FNBP1: variants seen among roughly 807,000 people sequenced by gnomAD.
FNBP1 encodes formin binding protein 1.
In FNBP1, 26 loss-of-function variants were observed where a neutral mutation model predicts 90.6. That is an observed-to-expected ratio of 0.29 (90% confidence interval 0.21 to 0.40). FNBP1 has a LOEUF of 0.40. FNBP1 is among the 10% of genes least tolerant of loss of function. The pLI, the probability that FNBP1 is intolerant of heterozygous loss-of-function variation, is 1.00. For missense variants in FNBP1, 635 were observed against 768.0 expected, an observed-to-expected ratio of 0.83 and a Z score of 2.05; for synonymous variants, 260 against 265.2, an observed-to-expected ratio of 0.98 and a Z score of 0.19.
At chr9:129,949,257 T>C (rs1330728059) in intron 6 of FNBP1, among the ~76,000 whole-genome samples, 3 of 152,196 alleles carry the variant, frequency 2.0e-5, no homozygotes, top group Non-Finnish European at 4.4e-5. Flanking sequence ...AGAGACTGCA[T>C]GGTTCCTTGA....
intron 6 of FNBP1, among the ~76,000 whole-genome samples, chr9:129,932,885 G>C (rs2042965883): frequency 1.3e-5 from 2 of 151,896 alleles, no homozygotes; most frequent in Admixed American, 6.6e-5. Flanking sequence ...CATTCCATCT[G>C]TTCCCCGAGC....
In FNBP1 at chr9:129,925,158, C is replaced by T; in HGVS notation, c.790-1G>A. 6.2e-7 allele frequency: 1 copy of T among 1,607,976 alleles called. No homozygotes were observed. The highest frequency in any genetic ancestry group is 8.5e-7 in the Non-Finnish European group (1 of 1,175,716). ...AAGCTTCTATTACCAGCTGTGAATC[C>T]TGAAATTATACCCACAAGCATATAA... On this transcript the variant is annotated splice_acceptor_variant, in intron 8 of 16. Coordinates refer to ENST00000446176, the MANE Select transcript of FNBP1 (RefSeq NM_015033.3). LOFTEE classifies it high-confidence loss of function.
Position 129,923,870 on chromosome 9 carries a change from G to A in FNBP1, c.1144C>T (p.His382Tyr). Residue 382 changes from histidine (H) to tyrosine (Y), a missense_variant, in exon 10 of 17, where the codon CAC becomes TAC. Transcript: ENST00000446176. ...CCACGCTTTAGGCTCCTGAAGCAGT[G>A]GATTTTGGGTTTGGAGGTCATGAAC... ...NEFMTSKPKI[H>Y]CFRSLKRGLS... 1.9e-6 allele frequency: 3 copies of A among 1,602,128 alleles called. No individual in the cohort carries two copies. Among genetic ancestry groups the A allele is most frequent in the African/African-American group, 1.3e-5 (1 of 74,570 alleles).
intron 6 of FNBP1, among the ~76,000 whole-genome samples, chr9:129,949,943 C>G (rs117222590): frequency 1.3e-5 from 2 of 152,120 alleles, no homozygotes; most frequent in African/African-American, 4.8e-5. Flanking sequence ...TTTGTAAGCA[C>G]AGGCTTACCG....
chr9:129,904,401 G>T (rs891077754), intron 12 of FNBP1, among the ~76,000 whole-genome samples: 4 of 152,108 alleles, frequency 2.6e-5, no homozygotes, highest in African/African-American at 9.7e-5. Flanking sequence ...TACCCTTGTT[G>T]CAGGGCACTT....
chr9:129,925,201 C>T (rs2041687807), intron 8 of FNBP1, 44 bp from the exon 9 acceptor site: 1 of 1,506,540 alleles, frequency 6.6e-7, no homozygotes. Context: ...CAGAAGCATG[C>T]AAACACTTTT....
chr9:129,944,079 C>G (rs2044796728), intron 6 of FNBP1, among the ~76,000 whole-genome samples: 1 of 150,554 alleles, frequency 6.6e-6, no homozygotes, highest in African/African-American at 2.4e-5. Context: ...TATTCCCCAA[C>G]TGACTCAAGT....
At position 129,957,961 on chromosome 9, in the gene FNBP1, G is replaced by A. The variant is rs1269520528; in HGVS notation, c.409-497C>T. ...ACTGTCTAATCTTTATTATTTCCACGTGACTTTTAGAAAAATACTCAACTT... is the reference window on the plus strand; with the variant it reads ...ACTGTCTAATCTTTATTATTTCCACATGACTTTTAGAAAAATACTCAACTT... On this transcript the variant is annotated intron_variant, in intron 5 of 16. Transcript: ENST00000446176. The surrounding 1 kb of genome is among the most constrained non-coding windows in gnomAD (Gnocchi z 4.3). 6.6e-6 allele frequency among the ~76,000 whole-genome samples: 1 copy of A among 151,962 alleles called. No individual in the cohort carries two copies. The highest frequency in any genetic ancestry group is 1.5e-5 in the Non-Finnish European group (1 of 67,990).
intron 16 of FNBP1, among the ~76,000 whole-genome samples, chr9:129,894,637 A>G (rs2035454370): frequency 6.6e-6 from 1 of 152,226 alleles, no homozygotes; most frequent in Non-Finnish European, 1.5e-5. Flanking sequence ...GCGTGAGTGC[A>G]GCTCTACTTG....
chr9:129,945,476 T>C (rs1173375047), intron 6 of FNBP1, among the ~76,000 whole-genome samples: 2 of 152,218 alleles, frequency 1.3e-5, no homozygotes, highest in Non-Finnish European at 2.9e-5. Context: ...GGGAAGGCAC[T>C]GAAGATATTA....
At chr9:129,898,957 G>A (rs778811312) in intron 15 of FNBP1, among the ~76,000 whole-genome samples, 6 of 151,886 alleles carry the variant, frequency 4.0e-5, no homozygotes, top group Non-Finnish European at 8.8e-5. Flanking sequence ...CTGCAGTGAA[G>A]CAAGCTCTCT....
chr9:129,964,717 C>G (rs2048315921), intron 4 of FNBP1, among the ~76,000 whole-genome samples: 1 of 151,796 alleles, frequency 6.6e-6, no homozygotes, highest in Non-Finnish European at 1.5e-5. Context: ...ACAGAACAGA[C>G]AAACTCACAC....
chr9:129,931,380 G>A (rs928987790), intron 6 of FNBP1, among the ~76,000 whole-genome samples: 3 of 152,084 alleles, frequency 2.0e-5, no homozygotes, highest in Non-Finnish European at 2.9e-5. Flanking sequence ...GAGGTGGGCA[G>A]ATCACAAGAT....
chr9:129,995,682 G>A (rs559566544), intron 1 of FNBP1, among the ~76,000 whole-genome samples: 271 of 152,270 alleles, frequency 1.8e-3, no homozygotes, highest in Non-Finnish European at 2.8e-3. Context: ...CCCAAATAAA[G>A]AATGAGAGGG....
At chr9:129,902,402 A>T (rs1191062134) in intron 13 of FNBP1, among the ~76,000 whole-genome samples, 1 of 152,168 alleles carries the variant, frequency 6.6e-6, no homozygotes, top group Admixed American at 6.6e-5. Context: ...GTTCAAGACC[A>T]GTCTGTGCAA....
the FNBP1 span, among the ~76,000 whole-genome samples, chr9:130,048,314 C>CAAAAAAAAAAAAAAAAAAAA: frequency 3.9e-5 from 2 of 50,716 alleles, no homozygotes; most frequent in Admixed American, 3.6e-4. Context: ...GACTCCATCT[C>CAAAAAAAAAAAAAAAAAAAA]AAAAAAAAAA....
intron 6 of FNBP1, among the ~76,000 whole-genome samples, chr9:129,956,258 T>C (rs1465523647): frequency 6.6e-6 from 1 of 152,174 alleles, no homozygotes; most frequent in Non-Finnish European, 1.5e-5. Context: ...TTTGGCAGAA[T>C]TTGGCAAATA....
At chr9:129,902,762 A>G (rs967021628) in intron 13 of FNBP1, 107 bp downstream of exon 13, 1 of 1,129,362 alleles carries the variant, frequency 8.9e-7, no homozygotes, top group South Asian at 1.5e-5. Context: ...TGCCATTCCC[A>G]CTGTGTACCT....
rs79288484 is a variant in FNBP1 at position 129,987,338 on chromosome 9, C to T, written c.140+7505G>A. ...GATGACTCTACGTTCAAATATAGAA[C>T]CACGACAAATCAACTGAGGGCCTCG... is the stretch of plus-strand genomic sequence containing the variant. On this transcript the variant is annotated intron_variant, in intron 2 of 16. Transcript: ENST00000446176. Among the ~76,000 whole-genome samples, 1,113 of 152,040 alleles carry T rather than the reference C, an allele frequency of 7.3e-3. 7 individuals are homozygous for T. The highest frequency in any genetic ancestry group is 0.012 in the Non-Finnish European group (832 of 67,988).
Sources: allele counts gnomAD v4.1 joint callset (sites outside exome capture counted in the v4.1 genomes callset), GRCh38; gene constraint gnomAD v4.1.1; non-coding constraint Gnocchi (gnomAD v3.1); transcripts MANE v1.5; gene names NCBI Gene and HGNC (gene_info 2026-07-23, HGNC 2026-07-21).